DCP1A: variants seen among roughly 807,000 people sequenced by gnomAD.
The protein encoded by DCP1A is mRNA-decapping enzyme 1A.
DCP1A carries 20 observed loss-of-function variants against 58.0 expected under a neutral mutation model. The ratio of observed to expected loss-of-function variants is 0.34; its 90% CI spans 0.24 to 0.50. The LOEUF (loss-of-function observed/expected upper bound fraction) is 0.50, where lower values mean the gene tolerates loss of function less well. Ranked by LOEUF, DCP1A falls within the 20% of genes least tolerant of loss-of-function variation. The pLI, the probability that DCP1A is intolerant of heterozygous loss-of-function variation, is 0.98. For synonymous variants in DCP1A, 285 were observed against 275.1 expected, an observed-to-expected ratio of 1.04 and a Z score of -0.36; for missense variants, 613 against 712.2, an observed-to-expected ratio of 0.86 and a Z score of 1.59.
At chr3:53,346,887 G>A (rs2089298492) in intron 1 of DCP1A, among the ~76,000 whole-genome samples, 2 of 150,952 alleles carry the variant, frequency 1.3e-5, no homozygotes, top group African/African-American at 4.9e-5. Context: ...TCCAAGAATC[G>A]AAACTAATTG....
At chr3:53,321,531 C>T (rs986885452) in intron 3 of DCP1A, among the ~76,000 whole-genome samples, 2 of 152,096 alleles carry the variant, frequency 1.3e-5, no homozygotes, top group Non-Finnish European at 2.9e-5. Context: ...ACCAGCCTGG[C>T]CAACATGGTG....
At chr3:53,323,385 A>T (rs1402175856) in intron 3 of DCP1A, among the ~76,000 whole-genome samples, 2 of 152,212 alleles carry the variant, frequency 1.3e-5, no homozygotes, top group Non-Finnish European at 2.9e-5. Context: ...AACTACAGTA[A>T]ATCAGATCAG....
chr3:53,328,195 C>T (rs1261024503), intron 3 of DCP1A, among the ~76,000 whole-genome samples: 2 of 152,076 alleles, frequency 1.3e-5, no homozygotes, highest in African/African-American at 2.4e-5. Flanking sequence ...GTGACTCAGA[C>T]CTGCCTGGAT....
chr3:53,336,991 T>C (rs76291509), intron 3 of DCP1A, among the ~76,000 whole-genome samples: 1,928 of 152,172 alleles, frequency 0.013, 37 homozygotes, highest in African/African-American at 0.044. Context: ...CTGCCTAGCC[T>C]CCCAAGTAGC....
At chr3:53,309,193 A>T (rs1363103880) in intron 5 of DCP1A, among the ~76,000 whole-genome samples, 1 of 151,960 alleles carries the variant, frequency 6.6e-6, no homozygotes, top group Non-Finnish European at 1.5e-5. Context: ...AACATGGTGA[A>T]ACCCTGTCTC....
chr3:53,345,322 A>G (rs1032942705), intron 1 of DCP1A, among the ~76,000 whole-genome samples: 3 of 152,174 alleles, frequency 2.0e-5, no homozygotes, highest in Non-Finnish European at 4.4e-5. Flanking sequence ...TTTTAAGTTT[A>G]TCCAAGTTAA....
chr3:53,330,825 A>AT lies in DCP1A; in HGVS notation c.304+11318dup, dbSNP rs71087077. 2.0e-3 allele frequency among the ~76,000 whole-genome samples: 244 copies of AT among 121,628 alleles called. 1 individual carries two copies. Among genetic ancestry groups the AT allele is most frequent in the African/African-American group, 6.4e-3 (191 of 29,878 alleles). The allele number at this position is 121,628 out of a possible 152,430, so 79.8% of individuals were successfully genotyped here. ...ACACAATATATACACATATATATAT[A>AT]TTTTTTTTTTTTTTGAGATGGAGTA... On this transcript the variant is annotated intron_variant, in intron 3 of 9. Coordinates refer to ENST00000610213, the MANE Select transcript of DCP1A (RefSeq NM_018403.7).
At chr3:53,342,050 T>C in intron 3 of DCP1A, 94 bp downstream of exon 3, 1 of 1,126,776 alleles carries the variant, frequency 8.9e-7, no homozygotes, top group Non-Finnish European at 1.3e-6. Flanking sequence ...CCATATTTTG[T>C]TTTGTAATTT....
intron 1 of DCP1A, 74 bp from the exon 2 acceptor site, chr3:53,345,016 T>C (rs1411296591): frequency 5.3e-6 from 6 of 1,130,718 alleles, no homozygotes; most frequent in African/African-American, 4.7e-5. Context: ...GGAGAAGTAA[T>C]GCTTCACGTT....
At chr3:53,339,459 T>A (rs1553692315) in intron 3 of DCP1A, among the ~76,000 whole-genome samples, 1 of 152,242 alleles carries the variant, frequency 6.6e-6, no homozygotes, top group Non-Finnish European at 1.5e-5. Context: ...CAATTTAACC[T>A]ATGATACTAC....
rs781972678 is a variant in DCP1A, at chr3:53,292,231, T to C, written c.1221A>G (p.Ile407Met). ...CACCTTTCCCAAGTGGTTGTGTCTG[T>C]ATTTGGTCATGCTGTGGGGTCAACC... ...KLRLTPQHDQ[I>M]QTQPLGKGAM... Residue 407 changes from isoleucine (I) to methionine (M), a missense_variant, in exon 7 of 10, where the codon ATA becomes ATG. Around this residue, in one of 3 missense-constraint regions of DCP1A, gnomAD observed 498 missense variants for 556.7 expected, o/e 0.89. Transcript: ENST00000610213. 1.2e-6 allele frequency: 2 copies of C among 1,614,004 alleles called. No homozygotes were observed. Among genetic ancestry groups the C allele is most frequent in the Non-Finnish European group, 8.5e-7 (1 of 1,179,892 alleles).
At chr3:53,340,078 C>A in intron 3 of DCP1A, among the ~76,000 whole-genome samples, 1 of 151,986 alleles carries the variant, frequency 6.6e-6, no homozygotes, top group East Asian at 1.9e-4. Context: ...TGTGTGACAC[C>A]ACACCTGGCT....
At chr3:53,307,831 A>G (rs1441966307) in intron 5 of DCP1A, among the ~76,000 whole-genome samples, 1 of 152,250 alleles carries the variant, frequency 6.6e-6, no homozygotes, top group Admixed American at 6.5e-5. Context: ...GGATTTAGCT[A>G]TAAGGATATA....
chr3:53,299,172 T>C (rs1257581201), intron 6 of DCP1A, among the ~76,000 whole-genome samples: 1 of 152,236 alleles, frequency 6.6e-6, no homozygotes, highest in East Asian at 1.9e-4. Context: ...GAGCAGAATA[T>C]TTCTCTTCAC....
chr3:53,346,706 A>G (rs1179339337), intron 1 of DCP1A, among the ~76,000 whole-genome samples: 1 of 152,190 alleles, frequency 6.6e-6, no homozygotes, highest in African/African-American at 2.4e-5. Context: ...GCATTCAGAG[A>G]TGACATCACC....
At chr3:53,304,392 A>T in intron 5 of DCP1A, 102 bp from the exon 6 acceptor site, 1 of 791,644 alleles carries the variant, frequency 1.3e-6, no homozygotes, top group Non-Finnish European at 2.0e-6. Flanking sequence ...TATTTTTTAA[A>T]AAGAAGAAGA....
chr3:53,293,058 C>G (rs1363880532), intron 6 of DCP1A, among the ~76,000 whole-genome samples: 4 of 152,084 alleles, frequency 2.6e-5, no homozygotes, highest in African/African-American at 9.7e-5. Context: ...TTTAGGGTCT[C>G]TGGGTAGCAG....
rs1575589380 is a variant in DCP1A, at chr3:53,287,466, C to A, written c.*114G>T. On this transcript the variant is annotated 3_prime_UTR_variant, in exon 10 of 10. Transcript: ENST00000610213. ...ACATTCTTAAGAAATGAGTCTCTTT[C>A]TCATAGGCTCAATTTCAGGATTCTC... 1 of 528,648 alleles carries A rather than the reference C, an allele frequency of 1.9e-6. No individual in the cohort carries two copies. Among genetic ancestry groups the A allele is most frequent in the Non-Finnish European group, 3.3e-6 (1 of 299,100 alleles). The allele number at this position is 528,648 out of a possible 1,614,324, so 32.7% of individuals were successfully genotyped here.
chr3:53,316,321 C>T (rs1323870233), intron 4 of DCP1A, among the ~76,000 whole-genome samples: 1 of 152,158 alleles, frequency 6.6e-6, no homozygotes, highest in Non-Finnish European at 1.5e-5. Flanking sequence ...TTTTGGTGAC[C>T]AGAGAGGCAT....
Sources: allele counts gnomAD v4.1 joint callset (sites outside exome capture counted in the v4.1 genomes callset), GRCh38; gene constraint gnomAD v4.1.1; regional missense constraint gnomAD v4.1.1; transcripts MANE v1.5; gene names NCBI Gene and HGNC (gene_info 2026-07-23, HGNC 2026-07-21).